CHRM3: variants seen among roughly 807,000 people sequenced by gnomAD.
CHRM3 encodes the protein cholinergic receptor muscarinic 3, also known as muscarinic acetylcholine receptor M3.
In CHRM3, 11 loss-of-function variants were observed where a neutral mutation model predicts 41.8. That is an observed-to-expected ratio of 0.26 (90% CI 0.17 to 0.44). The LOEUF (loss-of-function observed/expected upper bound fraction) is 0.44. Ranked by LOEUF, CHRM3 falls within the 20% of genes least tolerant of loss-of-function variation. The probability of loss-of-function intolerance (pLI) is 1.00; values close to 1 mark genes in which losing one functional copy is unlikely to be tolerated. For synonymous variants in CHRM3, 297 were observed against 301.4 expected (o/e 0.99, Z 0.15); for missense variants, 571 against 745.4 (o/e 0.77, Z 2.72).
rs568347769 is a variant in CHRM3 at position 239,762,820 on chromosome 1, A to G, written c.-146-64432A>G. ...TAATTTTAAAAGGAAACTAAGCCACATGTCATCATAAAAATGGCTGGATTC... is the reference window on the plus strand; with the variant it reads ...TAATTTTAAAAGGAAACTAAGCCACGTGTCATCATAAAAATGGCTGGATTC... On this transcript the variant is annotated intron_variant, in intron 5 of 6. Coordinates refer to ENST00000676153, the MANE Select transcript of CHRM3 (RefSeq NM_001375978.1). Among the ~76,000 whole-genome samples, 66 of 152,358 alleles carry G rather than the reference A, an allele frequency of 4.3e-4. 1 individual carries two copies. Among genetic ancestry groups the G allele is most frequent in the African/African-American group, 1.4e-3 (57 of 41,588 alleles).
chr1:239,864,538 A>ACACG (rs1553288477), intron 6 of CHRM3, among the ~76,000 whole-genome samples: 96 of 143,382 alleles, frequency 6.7e-4, no homozygotes, highest in African/African-American at 1.7e-3. Context: ...ACACACACAC[A>ACACG]CACACACGCA....
At chr1:239,574,752 G>A (rs1662167924) in intron 3 of CHRM3, among the ~76,000 whole-genome samples, 2 of 151,582 alleles carry the variant, frequency 1.3e-5, no homozygotes, top group African/African-American at 4.9e-5. Flanking sequence ...CCCTCATGCT[G>A]CTCCTCCTCC....
intron 3 of CHRM3, among the ~76,000 whole-genome samples, chr1:239,605,540 T>C (rs925115917): frequency 2.0e-5 from 3 of 152,188 alleles, no homozygotes; most frequent in African/African-American, 4.8e-5. Context: ...TACAGAAATG[T>C]TTAAAAGAAT....
intron 1 of CHRM3, among the ~76,000 whole-genome samples, chr1:239,481,497 A>C (rs1486740297): frequency 1.3e-5 from 2 of 152,252 alleles, no homozygotes. Flanking sequence ...GAGGATTTAC[A>C]ATATGAACTT....
intron 6 of CHRM3, among the ~76,000 whole-genome samples, chr1:239,905,751 G>A (rs908327873): frequency 9.2e-5 from 14 of 151,980 alleles, no homozygotes; most frequent in South Asian, 2.1e-4. Flanking sequence ...TGCACAACAC[G>A]TACCACACAG....
chr1:239,615,370 A>C (rs1236565660), intron 3 of CHRM3, among the ~76,000 whole-genome samples: 1 of 152,136 alleles, frequency 6.6e-6, no homozygotes, highest in African/African-American at 2.4e-5. Flanking sequence ...CGGGTGGGAA[A>C]AACTCCTTCC....
At chr1:239,567,471 A>G (rs1018726654) in intron 3 of CHRM3, among the ~76,000 whole-genome samples, 3 of 152,148 alleles carry the variant, frequency 2.0e-5, no homozygotes, top group Admixed American at 6.5e-5. Context: ...TTTTTTCTCA[A>G]TACAACAATA....
chr1:239,703,807 T>C (rs1374597136), intron 5 of CHRM3: 4 of 152,198 alleles, frequency 2.6e-5, no homozygotes, highest in African/African-American at 4.8e-5. Context: ...GTAGATTCTA[T>C]TCCTGAGGAA....
chr1:239,629,109 C>A (rs1219650738), intron 3 of CHRM3: 2 of 131,588 alleles, frequency 1.5e-5, no homozygotes, highest in Admixed American at 7.8e-5. Flanking sequence ...GCCTCGTTGC[C>A]GCCTTGCAGT....
intron 3 of CHRM3, among the ~76,000 whole-genome samples, chr1:239,547,882 C>A (rs1426125616): frequency 6.7e-6 from 1 of 149,738 alleles, no homozygotes; most frequent in Admixed American, 6.6e-5. Context: ...ACTGAAATGA[C>A]AAAAAAAAGT....
chr1:239,836,396 A>G (rs958946920), intron 6 of CHRM3, among the ~76,000 whole-genome samples: 1 of 151,668 alleles, frequency 6.6e-6, no homozygotes, highest in Non-Finnish European at 1.5e-5. Flanking sequence ...GTTTTTTTTT[A>G]ACAGGCAGAA....
At chr1:239,396,197 A>AGT (rs952282551) in intron 1 of CHRM3, among the ~76,000 whole-genome samples, 3 of 152,148 alleles carry the variant, frequency 2.0e-5, no homozygotes, top group African/African-American at 4.8e-5. Flanking sequence ...TCTTGGTTTT[A>AGT]GTGTGTGTGT....
chr1:239,802,069 C>T (rs761001799), intron 5 of CHRM3, among the ~76,000 whole-genome samples: 20 of 151,924 alleles, frequency 1.3e-4, no homozygotes, highest in Non-Finnish European at 7.3e-5. Context: ...CTTCTATTCA[C>T]TATAATGAAT....
intron 1 of CHRM3, among the ~76,000 whole-genome samples, chr1:239,449,875 A>G (rs1664439535): frequency 6.6e-6 from 1 of 152,064 alleles, no homozygotes; most frequent in African/African-American, 2.4e-5. Flanking sequence ...CCTGCGTGTT[A>G]GGAAGGTGAT....
At chr1:239,760,484 C>T (rs962240205) in intron 5 of CHRM3, among the ~76,000 whole-genome samples, 8 of 152,064 alleles carry the variant, frequency 5.3e-5, no homozygotes, top group African/African-American at 1.9e-4. Flanking sequence ...GTTCGTCTAC[C>T]TTTTTGCGTG....
intron 5 of CHRM3, among the ~76,000 whole-genome samples, chr1:239,806,349 A>G (rs1670640706): frequency 1.3e-5 from 2 of 151,984 alleles, no homozygotes; most frequent in African/African-American, 4.8e-5. Context: ...ACACACACAC[A>G]CACACCTGTG....
intron 5 of CHRM3, among the ~76,000 whole-genome samples, chr1:239,679,027 G>GGATGGATAGATA (rs1553362062): frequency 2.7e-5 from 4 of 148,666 alleles, no homozygotes; most frequent in African/African-American, 9.9e-5. Flanking sequence ...GTAGATAGAT[G>GGATGGATAGATA]GATAGATAGA....
chr1:239,545,684 A>T lies in CHRM3; in HGVS notation c.-378A>T, dbSNP rs1416379. 126,543 of 152,098 alleles carry T rather than the reference A, an allele frequency of 0.83. 54,690 individuals are homozygous for T. Among genetic ancestry groups the T allele is most frequent in the Non-Finnish European group, 0.93 (63,535 of 67,998 alleles). The allele number at this position is 152,098 out of a possible 1,614,324, so 9.4% of individuals were successfully genotyped here. ...CATATTTTGGTTATGAGTCACTCAGAGGACTGTGGATTGAATGAACTGTAT... is the reference window on the plus strand; with the variant it reads ...CATATTTTGGTTATGAGTCACTCAGTGGACTGTGGATTGAATGAACTGTAT... On this transcript the variant is annotated 5_prime_UTR_variant, in exon 3 of 7. Transcript: ENST00000676153.
At chr1:239,687,990 C>A (rs1159744590) in intron 5 of CHRM3, among the ~76,000 whole-genome samples, 1 of 151,930 alleles carries the variant, frequency 6.6e-6, no homozygotes, top group African/African-American at 2.4e-5. Flanking sequence ...GTTCTTACCA[C>A]CATCAAATAC....
Sources: allele counts gnomAD v4.1 joint callset (sites outside exome capture counted in the v4.1 genomes callset), GRCh38; gene constraint gnomAD v4.1.1; transcripts MANE v1.5; gene names NCBI Gene and HGNC (gene_info 2026-07-23, HGNC 2026-07-21).